ERAP1: variants seen among roughly 807,000 people sequenced by gnomAD.
The protein encoded by ERAP1 is adipocyte-derived leucine aminopeptidase.
In ERAP1, 86 loss-of-function variants were observed where a neutral mutation model predicts 103.7. The ratio of observed to expected loss-of-function variants is 0.83; its 90% CI spans 0.70 to 0.99. The LOEUF is 0.99. Among genes scored for constraint, ERAP1 ranks in the 50% least tolerant of loss-of-function variants. The probability of loss-of-function intolerance (pLI) is 0.00; values close to 1 mark genes in which losing one functional copy is unlikely to be tolerated. For missense variants in ERAP1, 1,009 were observed against 1,128.4 expected (o/e 0.89, Z 1.52); for synonymous variants, 398 against 402.4 (o/e 0.99, Z 0.13).
At chr5:96,768,121 T>C in intron 19 of ERAP1, 3 of 724,688 alleles carry the variant, frequency 4.1e-6, no homozygotes, top group Non-Finnish European at 7.3e-6. Flanking sequence ...TCTTACTCTA[T>C]AGCCCAGGCT....
intron 17 of ERAP1, 107 bp downstream of exon 17, chr5:96,780,950 AT>A: frequency 7.5e-7 from 1 of 1,338,232 alleles, no homozygotes; most frequent in East Asian, 2.4e-5. Flanking sequence ...CCTATCTTCA[AT>A]CAAAAAGTAC....
the ERAP1 span, chr5:96,879,833 C>T: frequency 1.9e-6 from 3 of 1,614,106 alleles, no homozygotes; most frequent in Non-Finnish European, 1.7e-6. Context: ...CACTGAGGAT[C>T]CTGGGGCTTT....
At chr5:96,894,857 C>T in the ERAP1 span, among the ~76,000 whole-genome samples, 1 of 151,956 alleles carries the variant, frequency 6.6e-6, no homozygotes. Flanking sequence ...TATATTTCTC[C>T]CTTGAACATC....
At chr5:96,920,533 T>C in the ERAP1 span, among the ~76,000 whole-genome samples, 3 of 152,194 alleles carry the variant, frequency 2.0e-5, no homozygotes, top group African/African-American at 7.2e-5. Flanking sequence ...CCCCCAGCCA[T>C]AGGGCAAGCC....
chr5:96,866,878 G>T, the ERAP1 span, among the ~76,000 whole-genome samples: 2 of 152,152 alleles, frequency 1.3e-5, no homozygotes, highest in Admixed American at 1.3e-4. Context: ...CCTCTCTGGG[G>T]ATGTCCCACA....
chr5:96,767,462 A>G, intron 19 of ERAP1: 1 of 1,612,884 alleles, frequency 6.2e-7, no homozygotes, highest in Non-Finnish European at 8.5e-7. Context: ...GCCACCTACA[A>G]AGAAATCAGA....
chr5:96,900,060 G>A, the ERAP1 span: 1 of 1,587,484 alleles, frequency 6.3e-7, no homozygotes. Context: ...CATGGCTAAT[G>A]TGCACGTTCA....
the ERAP1 span, among the ~76,000 whole-genome samples, chr5:96,914,127 C>CTG: frequency 3.4e-5 from 4 of 116,490 alleles, no homozygotes; most frequent in Admixed American, 9.7e-5. Context: ...GCATTGCTTT[C>CTG]TGTCTCTCTC....
chr5:96,916,272 CCT>C, the ERAP1 span, among the ~76,000 whole-genome samples: 180 of 151,590 alleles, frequency 1.2e-3, 3 homozygotes, highest in Non-Finnish European at 3.4e-4. Context: ...AAAAAAAGCC[CCT>C]GACTCTTAAA....
the ERAP1 span, among the ~76,000 whole-genome samples, chr5:96,884,579 A>G: frequency 8.9e-6 from 1 of 112,434 alleles, no homozygotes. Flanking sequence ...TTGTTTTGAG[A>G]CAGAGTCTCT....
At chr5:96,768,054 A>C in intron 19 of ERAP1, 10 of 1,113,196 alleles carry the variant, frequency 9.0e-6, no homozygotes, top group Non-Finnish European at 1.4e-5. Flanking sequence ...GTATGTGTAC[A>C]TACATATAAG....
the ERAP1 span, among the ~76,000 whole-genome samples, chr5:96,873,898 A>G: frequency 6.6e-6 from 1 of 152,078 alleles, no homozygotes. Context: ...ACCAAAGCTA[A>G]GAAGAAACAA....
downstream of ERAP1, chr5:96,772,172 GAT>G (rs976738157): frequency 1.3e-5 from 2 of 153,836 alleles, no homozygotes; most frequent in African/African-American, 4.8e-5. Flanking sequence ...CAAAGGAAAA[GAT>G]TGGCCATTTT....
chr5:96,877,037 C>T, the ERAP1 span, among the ~76,000 whole-genome samples: 2,310 of 152,246 alleles, frequency 0.015, 84 homozygotes, highest in East Asian at 0.11. Flanking sequence ...TGCAGCAGCA[C>T]GATCTCGGCT....
At chr5:96,894,391 A>G in the ERAP1 span, among the ~76,000 whole-genome samples, 1 of 152,188 alleles carries the variant, frequency 6.6e-6, no homozygotes, top group Non-Finnish European at 1.5e-5. Flanking sequence ...TGTTTCTAGA[A>G]GCTACAGACT....
At chr5:96,767,491 C>T in intron 19 of ERAP1, 1 of 1,608,536 alleles carries the variant, frequency 6.2e-7, no homozygotes, top group Admixed American at 1.7e-5. Flanking sequence ...AGGTAAAGAC[C>T]ATAGGAACAT....
rs761215834 is a variant in ERAP1, at chr5:96,797,202, G to A, written c.771C>T (p.Val257=). 9.9e-6 allele frequency: 16 copies of A among 1,614,024 alleles called. No individual in the cohort carries two copies. Among genetic ancestry groups the A allele is most frequent in the African/African-American group, 1.3e-5 (1 of 74,900 alleles). Residue 257 remains valine, a synonymous_variant, in exon 4 of 19, where the codon GTC becomes GTT. Transcript: ENST00000443439. ...VAFIISDFES[V]SKITKSGVKV... ...TGACTCCACTCTTGGTTATCTTGCTGACAGACTCAAAATCTGAAATGATGA... is the reference window on the plus strand; with the variant it reads ...TGACTCCACTCTTGGTTATCTTGCTAACAGACTCAAAATCTGAAATGATGA...
intron 18 of ERAP1, among the ~76,000 whole-genome samples, chr5:96,777,360 G>A (rs1196929972): frequency 6.6e-6 from 1 of 152,154 alleles, no homozygotes; most frequent in Non-Finnish European, 1.5e-5. Flanking sequence ...GGAAGCGAAT[G>A]TAGACCATGA....
chr5:96,765,993 T>C (rs935718883), intron 19 of ERAP1: 1 of 935,746 alleles, frequency 1.1e-6, no homozygotes. Context: ...CATTTGACAA[T>C]GTATTTTCTA....
Sources: allele counts gnomAD v4.1 joint callset (sites outside exome capture counted in the v4.1 genomes callset), GRCh38; gene constraint gnomAD v4.1.1; transcripts MANE v1.5; gene names NCBI Gene and HGNC (gene_info 2026-07-23, HGNC 2026-07-21).